The following SH3RF3 variants were observed in gnomAD, a reference collection of about 807,000 sequenced individuals.
SH3RF3 encodes SH3 domain containing ring finger 3.
A neutral mutation model predicts 66.3 loss-of-function variants in SH3RF3; 29 were observed. The observed-to-expected ratio is 0.44, with a 90% CI of 0.33 to 0.60. The LOEUF is 0.60. SH3RF3 is among the 20% of genes least tolerant of loss of function. The pLI is 0.04. For missense variants in SH3RF3, 1,194 were observed against 1,190.9 expected (o/e 1.00, Z -0.04); for synonymous variants, 583 against 532.0 (o/e 1.10, Z -1.32).
intron 1 of SH3RF3, among the ~76,000 whole-genome samples, chr2:109,203,582 C>T (rs1334992800): frequency 6.6e-6 from 1 of 152,124 alleles, no homozygotes; most frequent in Non-Finnish European, 1.5e-5. Flanking sequence ...TCGTCCAGCT[C>T]TCTGGAACAC....
chr2:109,477,416 C>T (rs554696022), intron 8 of SH3RF3, among the ~76,000 whole-genome samples: 1 of 152,328 alleles, frequency 6.6e-6, no homozygotes, highest in South Asian at 2.1e-4. Flanking sequence ...TTCATTCTTA[C>T]CTCCCCAACC....
intron 1 of SH3RF3, among the ~76,000 whole-genome samples, chr2:109,257,054 A>C (rs1339853556): frequency 6.6e-6 from 1 of 152,076 alleles, no homozygotes; most frequent in Admixed American, 6.5e-5. Flanking sequence ...ATGGCATTTG[A>C]ATGTCATGTA....
rs72952033 is a variant in SH3RF3, at chr2:109,210,193, A to G, written c.573+80080A>G. ...TGTATGGCTAGACCACATTTTGTGT[A>G]TTCATTCATCTGTTCACAGACATTT... On this transcript the variant is annotated intron_variant, in intron 1 of 9. Coordinates refer to ENST00000309415, the MANE Select transcript of SH3RF3 (RefSeq NM_001099289.3). Among the ~76,000 whole-genome samples, 1,278 of 152,282 alleles carry G rather than the reference A, an allele frequency of 8.4e-3. 14 individuals carry two copies. The highest frequency in any genetic ancestry group is 0.029 in the African/African-American group (1,220 of 41,538).
In SH3RF3 at chr2:109,190,372, C is replaced by T. The variant is rs530821839; in HGVS notation, c.573+60259C>T. The stretch of plus-strand genomic sequence containing the variant: ...TACTTGTAGTAGAGATGGGGTTTCG[C>T]CATGTTGGCCAGGCTGGTCTCAAAT... On this transcript the variant is annotated intron_variant, in intron 1 of 9. Transcript: ENST00000309415. 6.0e-4 allele frequency among the ~76,000 whole-genome samples: 92 copies of T among 152,340 alleles called. 2 individuals carry two copies. The South Asian group carries it at 0.018, about 31-fold the overall frequency.
At chr2:109,489,569 C>T (rs529858953) in intron 8 of SH3RF3, among the ~76,000 whole-genome samples, 15 of 152,340 alleles carry the variant, frequency 9.8e-5, no homozygotes, top group Non-Finnish European at 2.9e-5. Flanking sequence ...CCAGGCTTGG[C>T]CAGGGTCCCG....
intron 1 of SH3RF3, among the ~76,000 whole-genome samples, chr2:109,236,846 A>G (rs889920007): frequency 1.2e-4 from 19 of 152,224 alleles, no homozygotes; most frequent in African/African-American, 4.3e-4. Flanking sequence ...AATTGCAGGT[A>G]CAGTCTCCGG....
rs537262480 is a variant in SH3RF3 at position 109,414,392 on chromosome 2, G to A, written c.1300-5147G>A. On this transcript the variant is annotated intron_variant, in intron 4 of 9. Coordinates refer to ENST00000309415, the MANE Select transcript of SH3RF3 (RefSeq NM_001099289.3). ...CTGCTTGATTTCTATAGTCTTGGGAGCTATTGATTCAGGTTTCATCTGGTT... is the reference window on the plus strand; with the variant it reads ...CTGCTTGATTTCTATAGTCTTGGGAACTATTGATTCAGGTTTCATCTGGTT... 1.3e-3 allele frequency among the ~76,000 whole-genome samples: 199 copies of A among 152,274 alleles called. 2 individuals are homozygous for A. Among genetic ancestry groups the A allele is most frequent in the African/African-American group, 4.5e-3 (186 of 41,562 alleles).
intron 2 of SH3RF3, among the ~76,000 whole-genome samples, chr2:109,370,143 A>G (rs1246928477): frequency 2.0e-5 from 3 of 152,132 alleles, no homozygotes; most frequent in Non-Finnish European, 4.4e-5. Context: ...AGGTTCGCCA[A>G]AGGCCCCTTG....
chr2:109,317,367 G>C (rs1681911382), intron 1 of SH3RF3, among the ~76,000 whole-genome samples: 1 of 152,060 alleles, frequency 6.6e-6, no homozygotes, highest in Non-Finnish European at 1.5e-5. Flanking sequence ...AGCCCCAGGG[G>C]GTGGAGGAGA....
At chr2:109,384,162 GTCCCACGT>G (rs1675764453) in intron 3 of SH3RF3, among the ~76,000 whole-genome samples, 1 of 152,172 alleles carries the variant, frequency 6.6e-6, no homozygotes, top group Admixed American at 6.5e-5. Context: ...GCCGCCTGGG[GTCCCACGT>G]TCATCCAGTC....
At chr2:109,437,205 C>G (rs1677430483) in intron 7 of SH3RF3, 59 bp downstream of exon 7, 8 of 1,537,214 alleles carry the variant, frequency 5.2e-6, no homozygotes, top group Non-Finnish European at 7.0e-6. Flanking sequence ...CTGGGACATG[C>G]TTGTGAGACA....
Position 109,372,012 on chromosome 2 carries a change from C to A in SH3RF3, c.945+331C>A, listed in dbSNP as rs541016661. Among the ~76,000 whole-genome samples, 10 of 152,328 alleles carry A rather than the reference C, an allele frequency of 6.6e-5. No individual in the cohort carries two copies. The South Asian group carries it at 2.1e-3, about 32-fold the overall frequency. On this transcript the variant is annotated intron_variant, in intron 3 of 9. Transcript: ENST00000309415. ...GGCACCCATGCTTCTCCAACTCCCC[C>A]AAGTGCTGCTGCTCTTTTCTCATGA... is the stretch of plus-strand genomic sequence containing the variant.
At chr2:109,371,491 C>T (rs931900553) in intron 2 of SH3RF3, 95 bp from the exon 3 acceptor site, 2 of 980,744 alleles carry the variant, frequency 2.0e-6, no homozygotes, top group Non-Finnish European at 1.6e-6. Context: ...CTTGGAATCT[C>T]TTCCGAGCCT....
At chr2:109,359,897 A>G (rs1302231980) in intron 2 of SH3RF3, among the ~76,000 whole-genome samples, 1 of 152,160 alleles carries the variant, frequency 6.6e-6, no homozygotes, top group African/African-American at 2.4e-5. Flanking sequence ...TAGGCTGCAC[A>G]TGCCAATGGC....
At chr2:109,229,530 C>T (rs545221016) in intron 1 of SH3RF3, among the ~76,000 whole-genome samples, 113 of 152,104 alleles carry the variant, frequency 7.4e-4, no homozygotes, top group Admixed American at 2.7e-3. Context: ...CTTGAGAGCC[C>T]GATACGGGAG....
chr2:109,291,991 G>A (rs1194312315), intron 1 of SH3RF3, among the ~76,000 whole-genome samples: 3 of 152,204 alleles, frequency 2.0e-5, no homozygotes, highest in Non-Finnish European at 2.9e-5. Flanking sequence ...AGCCTCTCGA[G>A]TAGCTGGGAC....
chr2:109,224,608 G>A (rs1679329912), intron 1 of SH3RF3, among the ~76,000 whole-genome samples: 1 of 152,088 alleles, frequency 6.6e-6, no homozygotes, highest in Non-Finnish European at 1.5e-5. Flanking sequence ...CTGTAATCCC[G>A]GCACTTTGGA....
intron 5 of SH3RF3, among the ~76,000 whole-genome samples, chr2:109,423,435 A>G (rs570177209): frequency 6.6e-6 from 1 of 152,280 alleles, no homozygotes; most frequent in East Asian, 1.9e-4. Context: ...ACCATCCTCA[A>G]TAACAACAGT....
intron 1 of SH3RF3, among the ~76,000 whole-genome samples, chr2:109,150,950 G>T (rs141660899): frequency 6.6e-6 from 1 of 152,304 alleles, no homozygotes; most frequent in East Asian, 1.9e-4. Flanking sequence ...TTATTTCAAG[G>T]TGCTGATGGG....
Sources: allele counts gnomAD v4.1 joint callset (sites outside exome capture counted in the v4.1 genomes callset), GRCh38; gene constraint gnomAD v4.1.1; transcripts MANE v1.5; gene names NCBI Gene and HGNC (gene_info 2026-07-23, HGNC 2026-07-21).